The following EXD3 variants were observed in gnomAD, a reference collection of about 807,000 sequenced individuals.
EXD3 encodes the protein exonuclease mut-7 homolog.
EXD3 carries 92 observed loss-of-function variants against 98.0 expected under a neutral mutation model. The observed-to-expected ratio is 0.94, with a 90% CI of 0.79 to 1.12. The LOEUF is 1.12. EXD3 is among the 50% of genes most tolerant of loss of function. The pLI is 0.00. For synonymous variants in EXD3, 569 were observed against 526.0 expected (o/e 1.08, Z -1.12); for missense variants, 1,222 against 1,191.6 (o/e 1.03, Z -0.38).
At chr9:137,327,147 T>C (rs1191060762) in intron 17 of EXD3, among the ~76,000 whole-genome samples, 6 of 151,614 alleles carry the variant, frequency 4.0e-5, no homozygotes, top group African/African-American at 1.2e-4. Context: ...TTTTTTTTTT[T>C]TTTTGAGACA....
At chr9:137,373,916 C>T (rs981893679) in intron 3 of EXD3, among the ~76,000 whole-genome samples, 5 of 152,262 alleles carry the variant, frequency 3.3e-5, no homozygotes, top group Admixed American at 2.0e-4. Flanking sequence ...ACTTTACCTG[C>T]GGCACTCGCG....
At position 137,324,147 on chromosome 9, in the gene EXD3, T is replaced by C; in HGVS notation, c.1999-4A>G. 6.4e-6 allele frequency: 10 copies of C among 1,573,984 alleles called. No homozygotes were observed. The highest frequency in any genetic ancestry group is 8.6e-6 in the Non-Finnish European group (10 of 1,160,298). On this transcript the variant is annotated splice_region_variant and splice_polypyrimidine_tract_variant and intron_variant, in intron 17 of 21. Transcript: ENST00000340951. The surrounding 1 kb of genome is among the most constrained non-coding windows in gnomAD (Gnocchi z 4.1). ...TCCTCCCCTCCTGCCTGGCAACCTG[T>C]GTGGGAGGTGCGACCAGCACATAAA...
Position 137,393,286 on chromosome 9 carries a change from G to C in EXD3, c.55+2017C>G. Reference sequence around the variant, plus strand: ...CTGAGGCGAACCCAGGGTCCCATGCGCTCCCCGGCCCTGACGGCGGTCTCC... The same window carrying C: ...CTGAGGCGAACCCAGGGTCCCATGCCCTCCCCGGCCCTGACGGCGGTCTCC... On this transcript the variant is annotated intron_variant, in intron 2 of 21. Coordinates refer to ENST00000340951, the MANE Select transcript of EXD3 (RefSeq NM_017820.5). The surrounding 1 kb of genome is among the most constrained non-coding windows in gnomAD (Gnocchi z 4.6). 1 of 700,396 alleles carries C rather than the reference G, an allele frequency of 1.4e-6. No individual in the cohort carries two copies. Among genetic ancestry groups the C allele is most frequent in the South Asian group, 1.5e-5 (1 of 67,524 alleles). The allele number at this position is 700,396 out of a possible 1,614,324, so 43.4% of individuals were successfully genotyped here.
At chr9:137,346,915 C>G (rs1564496290) in intron 17 of EXD3, among the ~76,000 whole-genome samples, 1 of 152,062 alleles carries the variant, frequency 6.6e-6, no homozygotes, top group Non-Finnish European at 1.5e-5. Context: ...CTCCCGGGTT[C>G]AAGCAATTCT....
intron 19 of EXD3, among the ~76,000 whole-genome samples, chr9:137,317,701 C>T (rs1003102080): frequency 2.0e-5 from 3 of 152,106 alleles, no homozygotes; most frequent in African/African-American, 7.2e-5. Flanking sequence ...TGGCTGACCA[C>T]CCTCCTGTCA....
intron 1 of EXD3, among the ~76,000 whole-genome samples, chr9:137,419,962 A>G (rs1024004028): frequency 3.3e-5 from 5 of 152,146 alleles, no homozygotes; most frequent in South Asian, 2.1e-4. Context: ...GATCGAGACC[A>G]TCCTGGCTAA....
chr9:137,355,371 G>C (rs1368365198), intron 8 of EXD3, among the ~76,000 whole-genome samples: 2 of 151,688 alleles, frequency 1.3e-5, no homozygotes, highest in East Asian at 1.9e-4. Context: ...CCCACGCCCA[G>C]AGCGCAGCCA....
At chr9:137,351,594 GAGGTCCTGAGC>G in intron 12 of EXD3, 66 bp from the exon 13 acceptor site, 3 of 1,459,356 alleles carry the variant, frequency 2.1e-6, no homozygotes, top group Non-Finnish European at 2.8e-6. Context: ...CCACAGCCTG[GAGGTCCTGAGC>G]AGCTCTGTGA....
intron 3 of EXD3, among the ~76,000 whole-genome samples, chr9:137,382,058 CGGA>C: frequency 1.3e-5 from 1 of 78,890 alleles, no homozygotes; most frequent in African/African-American, 6.5e-5. Flanking sequence ...TGAGGGCGCG[CGGA>C]GGAGGTGAGG....
intron 2 of EXD3, among the ~76,000 whole-genome samples, chr9:137,390,444 A>C (rs1355142709): frequency 6.6e-6 from 1 of 151,968 alleles, no homozygotes; most frequent in Non-Finnish European, 1.5e-5. Context: ...AAAAAAAAAA[A>C]AAGTAAATAA....
chr9:137,356,181 G>T, intron 8 of EXD3, 87 bp downstream of exon 8: 1 of 1,004,598 alleles, frequency 1.0e-6, no homozygotes, highest in South Asian at 1.5e-5. Context: ...CCTGAACAAC[G>T]GGCAGCCCCA....
chr9:137,355,490 G>A (rs866319487), intron 8 of EXD3, among the ~76,000 whole-genome samples: 4,943 of 26,958 alleles, frequency 0.18, 108 homozygotes, highest in Middle Eastern at 0.27. Context: ...GAGGAAGGAG[G>A]ATGGAGGAAG....
At chr9:137,333,651 C>T (rs935003259) in intron 17 of EXD3, among the ~76,000 whole-genome samples, 3 of 152,114 alleles carry the variant, frequency 2.0e-5, no homozygotes, top group African/African-American at 7.2e-5. Flanking sequence ...TCCCCTCTTG[C>T]TCTCTCGCTC....
Position 137,399,809 on chromosome 9 carries a change from G to A in EXD3, c.-47-4405C>T, listed in dbSNP as rs563897225. ...TGCCAGCACTTTGGGAGGCTGAGGC[G>A]GGCAGTTCACCTGAGGTCAGGAGTT... is the stretch of plus-strand genomic sequence containing the variant. On this transcript the variant is annotated intron_variant, in intron 1 of 21. Transcript: ENST00000340951. Among the ~76,000 whole-genome samples the A allele has an allele frequency of 1.4e-4, 22 of 152,240 alleles. No individual in the cohort carries two copies. In the South Asian group the frequency reaches 2.1e-3, roughly 14 times the overall value.
chr9:137,416,720 C>T (rs942910819), intron 1 of EXD3, among the ~76,000 whole-genome samples: 1 of 152,212 alleles, frequency 6.6e-6, no homozygotes, highest in African/African-American at 2.4e-5. Flanking sequence ...TGGCACCAGG[C>T]GGTTCCAGGA....
rs1232526348 is a variant in EXD3, at chr9:137,313,157, G to T, written c.2185-3457C>A. ...CAAGTCGGAGGCTTGAGGGAAAGAG[G>T]AGGGCGAGACACGAGCCCTGGGACC... On this transcript the variant is annotated intron_variant, in intron 19 of 21. Transcript: ENST00000340951. Among the ~76,000 whole-genome samples, 4 of 152,318 alleles carry T rather than the reference G, an allele frequency of 2.6e-5. No homozygotes were observed. The East Asian group carries it at 7.7e-4, about 29-fold the overall frequency.
At chr9:137,372,612 T>C (rs2131680798) in intron 5 of EXD3, among the ~76,000 whole-genome samples, 1 of 152,290 alleles carries the variant, frequency 6.6e-6, no homozygotes, top group Middle Eastern at 3.4e-3. Flanking sequence ...CCTAGGACCC[T>C]GTGAGTGTGA....
At chr9:137,419,124 T>C (rs1021968820) in intron 1 of EXD3, among the ~76,000 whole-genome samples, 14 of 152,194 alleles carry the variant, frequency 9.2e-5, no homozygotes, top group African/African-American at 1.7e-4. Context: ...ACAGGAAGCA[T>C]TGTCAAATGT....
intron 2 of EXD3, among the ~76,000 whole-genome samples, chr9:137,387,598 G>C (rs1171454241): frequency 6.6e-6 from 1 of 152,246 alleles, no homozygotes; most frequent in African/African-American, 2.4e-5. Context: ...AGAGGACAGG[G>C]TGCCTGGGAG....
Sources: allele counts gnomAD v4.1 joint callset (sites outside exome capture counted in the v4.1 genomes callset), GRCh38; gene constraint gnomAD v4.1.1; non-coding constraint Gnocchi (gnomAD v3.1); transcripts MANE v1.5; gene names NCBI Gene and HGNC (gene_info 2026-07-23, HGNC 2026-07-21).